TTLL7: variants seen among roughly 807,000 people sequenced by gnomAD.
The protein encoded by TTLL7 is tubulin polyglutamylase TTLL7.
In TTLL7, 53 loss-of-function variants were observed where a neutral mutation model predicts 120.2. That is an observed-to-expected ratio of 0.44 (90% CI 0.35 to 0.55). TTLL7 has a LOEUF of 0.55. Ranked by LOEUF, TTLL7 falls within the 20% of genes least tolerant of loss-of-function variation. The pLI is 0.00. For synonymous variants in TTLL7, 353 were observed against 351.7 expected (o/e 1.00, Z -0.04); for missense variants, 803 against 1,054.7 (o/e 0.76, Z 3.31).
chr1:83,952,100 A>G (rs1222630927), intron 2 of TTLL7, 87 bp downstream of exon 2: 4 of 1,507,746 alleles, frequency 2.7e-6, no homozygotes, highest in African/African-American at 1.4e-5. Context: ...AAAAGTCCCC[A>G]ATTAATTTTT....
intron 1 of TTLL7, chr1:83,983,897 C>T (rs1375501257): frequency 6.6e-6 from 1 of 152,340 alleles, no homozygotes; most frequent in East Asian, 1.9e-4. Context: ...TGAGACCGGC[C>T]AGGGCAATAT....
chr1:83,871,479 A>G (rs1459630029), intron 20 of TTLL7, among the ~76,000 whole-genome samples: 2 of 152,222 alleles, frequency 1.3e-5, no homozygotes, highest in African/African-American at 2.4e-5. Flanking sequence ...AAATCAGGAT[A>G]AAGATACTTA....
chr1:83,928,227 A>G (rs1659302010), intron 10 of TTLL7, among the ~76,000 whole-genome samples: 1 of 152,194 alleles, frequency 6.6e-6, no homozygotes, highest in Admixed American at 6.6e-5. Context: ...ATGTATAGGC[A>G]TATTGTTTGG....
intron 20 of TTLL7, among the ~76,000 whole-genome samples, chr1:83,882,386 G>C (rs922600106): frequency 7.0e-6 from 1 of 143,080 alleles, no homozygotes; most frequent in Admixed American, 7.2e-5. Flanking sequence ...CAGTTGTCTT[G>C]AGAAATGCTA....
chr1:83,898,779 G>T, intron 18 of TTLL7, among the ~76,000 whole-genome samples: 1 of 151,630 alleles, frequency 6.6e-6, no homozygotes, highest in African/African-American at 2.4e-5. Context: ...ATTTAAATTT[G>T]TTCCAATGAT....
In TTLL7 at chr1:83,919,685, A is replaced by G. The variant is rs369761647; in HGVS notation, c.1500+14T>C. On this transcript the variant is annotated intron_variant, in intron 13 of 20. Coordinates refer to ENST00000260505, the MANE Select transcript of TTLL7 (RefSeq NM_024686.6). Reference sequence around the variant, plus strand: ...TTTATTCTTTTTTCTCTATATAAACATTCATTCTCTTACCTTCATCCTTTT... The same window carrying G: ...TTTATTCTTTTTTCTCTATATAAACGTTCATTCTCTTACCTTCATCCTTTT... The G allele has an allele frequency of 5.1e-5, 82 of 1,604,368 alleles. No homozygotes were observed. The African/African-American group carries it at 9.7e-4, about 19-fold the overall frequency.
intron 1 of TTLL7, among the ~76,000 whole-genome samples, chr1:83,973,553 G>C (rs1178700924): frequency 6.6e-6 from 1 of 151,826 alleles, no homozygotes; most frequent in Non-Finnish European, 1.5e-5. Context: ...GCTCTTCTGG[G>C]TCTCTTGCCT....
chr1:83,898,761 C>T (rs899945469), intron 18 of TTLL7, among the ~76,000 whole-genome samples: 15 of 151,816 alleles, frequency 9.9e-5, no homozygotes, highest in Admixed American at 7.2e-4. Context: ...AATAAATCAG[C>T]TAAACACATT....
intron 1 of TTLL7, among the ~76,000 whole-genome samples, chr1:83,971,066 A>G (rs1388847624): frequency 6.6e-6 from 1 of 152,072 alleles, no homozygotes; most frequent in Non-Finnish European, 1.5e-5. Context: ...AGGCTCCCAG[A>G]AGAGTTCTTG....
chr1:83,907,675 A>T lies in TTLL7; in HGVS notation c.1787-14T>A. The T allele has an allele frequency of 6.2e-7, 1 of 1,609,696 alleles. No individual in the cohort carries two copies. Among genetic ancestry groups the T allele is most frequent in the Non-Finnish European group, 8.5e-7 (1 of 1,177,432 alleles). On this transcript the variant is annotated splice_polypyrimidine_tract_variant and intron_variant, in intron 15 of 20. Coordinates refer to ENST00000260505, the MANE Select transcript of TTLL7 (RefSeq NM_024686.6). ...GTCTTATGGAGCCTATCAGTGATGG[A>T]GAAGAGGGATACTACAGTAGCAGTA...
intron 20 of TTLL7, among the ~76,000 whole-genome samples, chr1:83,871,248 TTA>T (rs936279454): frequency 6.6e-6 from 1 of 151,844 alleles, no homozygotes; most frequent in African/African-American, 2.4e-5. Context: ...CTCAAATGAG[TTA>T]TGTTTTGTTT....
At chr1:83,959,285 T>C (rs1378520759) in intron 1 of TTLL7, among the ~76,000 whole-genome samples, 1 of 152,126 alleles carries the variant, frequency 6.6e-6, no homozygotes, top group Non-Finnish European at 1.5e-5. Flanking sequence ...ACCACTGCAC[T>C]AGAAGGCCAA....
In TTLL7 at chr1:83,938,060, T is replaced by C. The variant is rs1026901177; in HGVS notation, c.724-44A>G. On this transcript the variant is annotated intron_variant, in intron 7 of 20. Transcript: ENST00000260505. ...AAAGTTGTTACCACCTATGACATCC[T>C]AGAACTGCGAAGTTTCAGAGGAAAA... 1.9e-6 allele frequency: 3 copies of C among 1,588,130 alleles called. No individual in the cohort carries two copies. The African/African-American group carries it at 4.0e-5, about 21-fold the overall frequency.
chr1:83,928,802 T>C (rs902191665), intron 10 of TTLL7, among the ~76,000 whole-genome samples: 3 of 152,132 alleles, frequency 2.0e-5, no homozygotes, highest in Admixed American at 2.0e-4. Flanking sequence ...TCTTGTACTC[T>C]ATATTAAATA....
intron 20 of TTLL7, among the ~76,000 whole-genome samples, chr1:83,882,277 AAAC>A (rs1433333771): frequency 4.0e-5 from 6 of 148,798 alleles, no homozygotes; most frequent in East Asian, 2.0e-4. Context: ...TAATTAAATA[AAAC>A]AATAAAAATA....
chr1:83,919,948 A>T, intron 12 of TTLL7, 114 bp from the exon 13 acceptor site: 5 of 927,698 alleles, frequency 5.4e-6, no homozygotes, highest in Non-Finnish European at 8.0e-6. Context: ...TCACATTGCC[A>T]GGTATAAGCA....
chr1:83,916,857 A>T (rs1438739429), intron 14 of TTLL7, among the ~76,000 whole-genome samples: 1 of 152,178 alleles, frequency 6.6e-6, no homozygotes, highest in Admixed American at 6.5e-5. Context: ...TGGTAGGCCA[A>T]GGCAGGAGGA....
At chr1:83,960,222 C>T (rs1032443521) in intron 1 of TTLL7, among the ~76,000 whole-genome samples, 1 of 152,062 alleles carries the variant, frequency 6.6e-6, no homozygotes, top group African/African-American at 2.4e-5. Flanking sequence ...CTGATCCTGA[C>T]TCATAAGCAA....
chr1:83,986,859 A>T (rs1652499894), intron 1 of TTLL7, among the ~76,000 whole-genome samples: 1 of 152,200 alleles, frequency 6.6e-6, no homozygotes, highest in Admixed American at 6.5e-5. Context: ...GAAGAAGAAG[A>T]AGAAGGCAAG....
Sources: allele counts gnomAD v4.1 joint callset (sites outside exome capture counted in the v4.1 genomes callset), GRCh38; gene constraint gnomAD v4.1.1; transcripts MANE v1.5; gene names NCBI Gene and HGNC (gene_info 2026-07-23, HGNC 2026-07-21).